CCDC66: variants seen among roughly 807,000 people sequenced by gnomAD.
The protein encoded by CCDC66 is coiled-coil domain-containing protein 66.
Under a neutral mutation model 128.3 loss-of-function variants are expected in CCDC66, and 133 were observed. The ratio of observed to expected loss-of-function variants is 1.04; its 90% CI spans 0.90 to 1.20. CCDC66 has a LOEUF of 1.20. Ranked by LOEUF, CCDC66 falls within the 50% of genes most tolerant of loss-of-function variation. The pLI is 0.00. For synonymous variants in CCDC66, 387 were observed against 357.0 expected (o/e 1.08, Z -0.95); for missense variants, 1,126 against 1,075.5 (o/e 1.05, Z -0.66).
At chr3:56,593,869 C>G in intron 9 of CCDC66, 75 bp from the exon 10 acceptor site, 1 of 1,586,792 alleles carries the variant, frequency 6.3e-7, no homozygotes. Flanking sequence ...GTAGATTTAT[C>G]CCAAACAAAA....
At chr3:56,562,681 C>A (rs2065251186) in intron 3 of CCDC66, among the ~76,000 whole-genome samples, 1 of 151,998 alleles carries the variant, frequency 6.6e-6, no homozygotes, top group African/African-American at 2.4e-5. Flanking sequence ...TGTTGTTGCC[C>A]AGGCTGGAGT....
chr3:56,606,710 G>A (rs1006351785), intron 10 of CCDC66, among the ~76,000 whole-genome samples: 16 of 151,842 alleles, frequency 1.1e-4, no homozygotes, highest in Admixed American at 7.2e-4. Context: ...GCTACAGACC[G>A]GAGCTCTTCC....
rs200729620 is a variant in CCDC66, at chr3:56,619,391, A to G, written c.2499A>G (p.Gln833=). 1.2e-6 allele frequency: 2 copies of G among 1,614,012 alleles called. No individual in the cohort carries two copies. The highest frequency in any genetic ancestry group is 1.7e-6 in the Non-Finnish European group (2 of 1,180,008). The change falls in exon 16 of 18, where the codon CAA becomes CAG. Residue 833 remains glutamine, a synonymous_variant. Transcript: ENST00000394672. ...AGAATTTGATCTCAGGAAGTAATCA[A>G]ACAGAATTATCATCTGGGATTTCTG... ...ERENLISGSN[Q]TELSSGISES...
At chr3:56,557,649 A>G (rs1051656729) in intron 1 of CCDC66, 1 of 218,762 alleles carries the variant, frequency 4.6e-6, no homozygotes, top group Non-Finnish European at 9.1e-6. Flanking sequence ...GGAGTCTTGC[A>G]GAATGTTGAA....
chr3:56,615,081 C>A (rs1217572148), intron 11 of CCDC66, 47 bp from the exon 12 acceptor site: 1 of 1,586,640 alleles, frequency 6.3e-7, no homozygotes. Context: ...ATAGTCAAGT[C>A]TTTGTATGTT....
intron 7 of CCDC66, among the ~76,000 whole-genome samples, chr3:56,579,830 T>C (rs1440469214): frequency 6.6e-6 from 1 of 151,892 alleles, no homozygotes; most frequent in African/African-American, 2.4e-5. Flanking sequence ...TACTTCCAGC[T>C]TCGTGGTCAA....
At chr3:56,600,792 T>A (rs1417368959) in intron 10 of CCDC66, among the ~76,000 whole-genome samples, 1 of 152,142 alleles carries the variant, frequency 6.6e-6, no homozygotes, top group Non-Finnish European at 1.5e-5. Context: ...TTGAGAAGTG[T>A]CTGCTCATAG....
intron 6 of CCDC66, among the ~76,000 whole-genome samples, chr3:56,567,388 CAAATA>C (rs1468953375): frequency 2.0e-5 from 3 of 152,078 alleles, no homozygotes; most frequent in Non-Finnish European, 2.9e-5. Flanking sequence ...GACTCCATCT[CAAATA>C]AATAAATAAA....
chr3:56,585,834 A>G (rs1021721899), intron 7 of CCDC66, among the ~76,000 whole-genome samples: 5 of 151,924 alleles, frequency 3.3e-5, no homozygotes, highest in Non-Finnish European at 2.9e-5. Context: ...TTTTAATACA[A>G]AAGTTCTTAA....
At chr3:56,617,906 C>T in intron 14 of CCDC66, 1 of 569,560 alleles carries the variant, frequency 1.8e-6, no homozygotes. Context: ...TTTACACTTA[C>T]ACAACTTCTG....
Position 56,567,000 on chromosome 3 carries a change from A to C in CCDC66, c.761A>C (p.Glu254Ala), listed in dbSNP as rs1389894333. ...ADIFSTLGER[E>A]CDRSSLEAKK... is the part of the protein sequence containing the mutation. Reference sequence around the variant, plus strand: ...ATATTCAGTACTCTGGGGGAAAGGGAATGTGATAGAAGTTCGTTGGAAGCA... The same window carrying C: ...ATATTCAGTACTCTGGGGGAAAGGGCATGTGATAGAAGTTCGTTGGAAGCA... The change falls in exon 6 of 18, where the codon GAA becomes GCA. Residue 254 changes from glutamate (E) to alanine (A), a missense_variant. By Grantham distance (107) the Glu-to-Ala change is moderately radical. Coordinates refer to ENST00000394672, the MANE Select transcript of CCDC66 (RefSeq NM_001141947.3). 1.9e-6 allele frequency: 3 copies of C among 1,614,038 alleles called. No individual in the cohort carries two copies. The Admixed American group carries it at 5.0e-5, about 27-fold the overall frequency.
chr3:56,592,795 A>G (rs575908482), intron 7 of CCDC66, among the ~76,000 whole-genome samples, 175 bp from the exon 8 acceptor site: 8 of 152,210 alleles, frequency 5.3e-5, no homozygotes, highest in Non-Finnish European at 1.0e-4. Flanking sequence ...GATTCTGAGA[A>G]TCAGAATATA....
In CCDC66 at chr3:56,602,523, A is replaced by G. The variant is rs149118232; in HGVS notation, c.1404+8495A>G. On this transcript the variant is annotated intron_variant, in intron 10 of 17. Transcript: ENST00000394672. ...ATTAGGGAGGATTCCCTCTATTTCT[A>G]TTGATTGGAATAGTTTCAGAAGGAA... Among the ~76,000 whole-genome samples, 896 of 152,010 alleles carry G rather than the reference A, an allele frequency of 5.9e-3. 20 individuals carry two copies. Among genetic ancestry groups the G allele is most frequent in the African/African-American group, 0.021 (860 of 41,360 alleles).
intron 7 of CCDC66, chr3:56,571,515 A>G (rs556775124): frequency 1.7e-4 from 62 of 361,010 alleles, no homozygotes; most frequent in Middle Eastern, 8.6e-4. Flanking sequence ...CCGAGTAGCT[A>G]GGACTACAGG....
intron 10 of CCDC66, among the ~76,000 whole-genome samples, chr3:56,599,988 A>G (rs1026913527): frequency 3.9e-5 from 6 of 151,992 alleles, no homozygotes; most frequent in Admixed American, 1.3e-4. Flanking sequence ...AGCTTCATCC[A>G]TGTCCCTGCA....
intron 6 of CCDC66, among the ~76,000 whole-genome samples, chr3:56,567,305 G>A (rs1337565085): frequency 6.6e-6 from 1 of 152,174 alleles, no homozygotes; most frequent in Non-Finnish European, 1.5e-5. Context: ...CAGGAGAATT[G>A]CTTGAACCTG....
At chr3:56,567,650 G>A (rs1490485667) in intron 6 of CCDC66, among the ~76,000 whole-genome samples, 1 of 152,172 alleles carries the variant, frequency 6.6e-6, no homozygotes, top group South Asian at 2.1e-4. Flanking sequence ...ATTATGGGAG[G>A]GGGAGGAGAG....
At chr3:56,615,039 G>A in intron 11 of CCDC66, 89 bp from the exon 12 acceptor site, 1 of 1,377,494 alleles carries the variant, frequency 7.3e-7, no homozygotes, top group Non-Finnish European at 1.0e-6. Flanking sequence ...CTGATACATA[G>A]GAGAAGCTTA....
chr3:56,620,198 C>A (rs2076209173), intron 17 of CCDC66: 1 of 182,796 alleles, frequency 5.5e-6, no homozygotes, highest in African/African-American at 2.4e-5. Flanking sequence ...TCAATAAGGC[C>A]CTAAAACAAA....
Sources: allele counts gnomAD v4.1 joint callset (sites outside exome capture counted in the v4.1 genomes callset), GRCh38; gene constraint gnomAD v4.1.1; transcripts MANE v1.5; gene names NCBI Gene and HGNC (gene_info 2026-07-23, HGNC 2026-07-21).